The following TPRX1 variants were observed in gnomAD, a reference collection of about 807,000 sequenced individuals.
TPRX1 encodes tetrapeptide repeat homeobox 1, also known as tetra-peptide repeat homeobox protein 1.
Under a neutral mutation model 8.1 loss-of-function variants are expected in TPRX1, and 2 were observed. That is an observed-to-expected ratio of 0.25 (90% CI 0.10 to 0.78). The LOEUF is 0.78. TPRX1 is among the 30% of genes least tolerant of loss of function. The pLI is 0.70. For missense variants in TPRX1, 517 were observed against 586.9 expected (o/e 0.88, Z 1.23); for synonymous variants, 257 against 254.1 (o/e 1.01, Z -0.11).
chr19:47,801,771 C>T (rs758305952), exon 4 of TPRX1: 7 of 1,606,310 alleles, frequency 4.4e-6, no homozygotes, highest in Non-Finnish European at 5.1e-6. Flanking sequence ...CAGGCACAGG[C>T]CCCCTATAAA....
In TPRX1 at chr19:47,802,119, AG is replaced by A; in HGVS notation, c.1182del (p.Ser395HisfsTer5). The A allele has an allele frequency of 6.3e-7, 1 of 1,583,002 alleles. No homozygotes were observed. Among genetic ancestry groups the A allele is most frequent in the East Asian group, 2.2e-5 (1 of 44,544 alleles). ...AAAATCGGGGCTAGGCCTGGAAGTGAGCCAGGGCTTCGCATCCGGCCAGGAC... is the reference window on the plus strand; with the variant it reads ...AAAATCGGGGCTAGGCCTGGAAGTGACCAGGGCTTCGCATCCGGCCAGGAC... On this transcript the variant is annotated frameshift_variant, in exon 4 of 4. Coordinates refer to ENST00000535759, the Ensembl canonical transcript of TPRX1. LOFTEE classifies it low-confidence loss of function (END_TRUNC).
intron 2 of TPRX1, among the ~76,000 whole-genome samples, chr19:47,814,770 T>A (rs1967816153): frequency 6.6e-6 from 1 of 152,146 alleles, no homozygotes; most frequent in Non-Finnish European, 1.5e-5. Flanking sequence ...AAGTAAAACA[T>A]GAAAAAGAAT....
At chr19:47,813,371 C>A (rs142539001) in intron 2 of TPRX1, among the ~76,000 whole-genome samples, 10 of 152,026 alleles carry the variant, frequency 6.6e-5, no homozygotes, top group Non-Finnish European at 1.2e-4. Context: ...CCCACGACCC[C>A]CCCAAAACAC....
At chr19:47,817,440 T>C (rs1328036983) in intron 2 of TPRX1, among the ~76,000 whole-genome samples, 1 of 152,132 alleles carries the variant, frequency 6.6e-6, no homozygotes, top group Non-Finnish European at 1.5e-5. Flanking sequence ...TGTGCCCTCC[T>C]GATCACCAGG....
At chr19:47,816,633 T>C (rs915363472) in intron 2 of TPRX1, among the ~76,000 whole-genome samples, 30 of 149,576 alleles carry the variant, frequency 2.0e-4, no homozygotes, top group Admixed American at 6.1e-4. Flanking sequence ...CCCAGGTTCA[T>C]GCCATTCTCC....
At chr19:47,818,837 G>A (rs923294931) in intron 1 of TPRX1, 3 of 308,112 alleles carry the variant, frequency 9.7e-6, no homozygotes, top group African/African-American at 4.3e-5. Context: ...TTGGTTTGCT[G>A]CACCCATTAA....
rs548380113 is a variant in TPRX1, at chr19:47,815,114, TTATATATATATATA to T, written c.151+3340_151+3353del. Among the ~76,000 whole-genome samples the T allele has an allele frequency of 2.8e-4, 18 of 63,372 alleles. No homozygotes were observed. In the South Asian group the frequency reaches 3.7e-3, roughly 13 times the overall value. 41.6% of individuals were successfully genotyped at this position (63,372 alleles called of 152,430 possible). Reference sequence around the variant, plus strand: ...GTGCTTAGCTCAATAAATAGATAAATTATATATATATATATATATATATATATATGCAAATATAT... The same window carrying T: ...GTGCTTAGCTCAATAAATAGATAAATTATATATATATATATGCAAATATAT... On this transcript the variant is annotated intron_variant, in intron 2 of 3. Transcript: ENST00000535759.
intron 2 of TPRX1, 92 bp from the exon 2 acceptor site, chr19:47,803,765 G>C (rs1377585338): frequency 1.6e-6 from 1 of 630,010 alleles, no homozygotes; most frequent in African/African-American, 1.7e-5. Flanking sequence ...CAGGAGCCCA[G>C]GCAGTGTGGG....
intron 2 of TPRX1, among the ~76,000 whole-genome samples, chr19:47,811,978 T>G (rs1053953930): frequency 4.6e-5 from 7 of 151,476 alleles, no homozygotes; most frequent in Non-Finnish European, 8.8e-5. Context: ...GCAATTCTCC[T>G]GCCTCAGCCT....
intron 2 of TPRX1, among the ~76,000 whole-genome samples, chr19:47,806,188 C>G (rs1329364063): frequency 6.6e-6 from 1 of 150,642 alleles, no homozygotes. Flanking sequence ...TGCCACTGTA[C>G]TCCAGCCTGG....
intron 2 of TPRX1, among the ~76,000 whole-genome samples, chr19:47,810,387 C>G (rs1292440446): frequency 9.2e-6 from 1 of 108,660 alleles, no homozygotes; most frequent in Admixed American, 1.2e-4. Context: ...CTCGCTCTGT[C>G]GCCCAGGCTG....
At chr19:47,816,827 C>T (rs1266485443) in intron 2 of TPRX1, among the ~76,000 whole-genome samples, 3 of 152,298 alleles carry the variant, frequency 2.0e-5, no homozygotes, top group South Asian at 2.1e-4. Flanking sequence ...CCACCACGCC[C>T]AGCCCACTGT....
At chr19:47,818,184 A>ACTAT (rs1555800316) in intron 2 of TPRX1, among the ~76,000 whole-genome samples, 2 of 150,346 alleles carry the variant, frequency 1.3e-5, no homozygotes, top group Admixed American at 1.3e-4. Flanking sequence ...GTTCTGCCCC[A>ACTAT]CCATCCATCC....
intron 2 of TPRX1, among the ~76,000 whole-genome samples, chr19:47,808,698 C>T (rs936919569): frequency 2.7e-5 from 4 of 147,970 alleles, no homozygotes; most frequent in African/African-American, 4.9e-5. Flanking sequence ...TCAAGTGATC[C>T]GCGCACCTTG....
chr19:47,807,266 A>G (rs1421842808), intron 2 of TPRX1, among the ~76,000 whole-genome samples: 4 of 152,156 alleles, frequency 2.6e-5, no homozygotes, highest in Non-Finnish European at 5.9e-5. Context: ...CGTGTTGCCC[A>G]GTCTCGTCTC....
Position 47,810,416 on chromosome 19 carries a change from T to A in TPRX1, c.152-6743A>T, listed in dbSNP as rs1449417261. Among the ~76,000 whole-genome samples, 4 of 143,104 alleles carry A rather than the reference T, an allele frequency of 2.8e-5. 1 individual carries two copies. The East Asian group carries it at 6.4e-4, about 23-fold the overall frequency. The allele number at this position is 143,104 out of a possible 152,430, so 93.9% of individuals were successfully genotyped here. ...CAGGCTGGAGTGCAGTGGCCGGATC[T>A]TGGCTCACTGCAACCTCTGCCTCTC... On this transcript the variant is annotated intron_variant, in intron 2 of 3. Coordinates refer to ENST00000535759, the Ensembl canonical transcript of TPRX1.
intron 2 of TPRX1, among the ~76,000 whole-genome samples, chr19:47,816,783 T>C (rs144812226): frequency 0.029 from 4,433 of 152,086 alleles, 94 homozygotes; most frequent in Middle Eastern, 0.068. Context: ...CTGCCCGCCT[T>C]GGCCTCCCAA....
At chr19:47,804,254 T>C (rs1967713037) in intron 2 of TPRX1, among the ~76,000 whole-genome samples, 1 of 151,516 alleles carries the variant, frequency 6.6e-6, no homozygotes, top group African/African-American at 2.4e-5. Flanking sequence ...GGGTCTCCAC[T>C]ATGTTGGCTC....
rs370712239 is a variant in TPRX1, at chr19:47,805,608, A to G, written c.152-1935T>C. On this transcript the variant is annotated intron_variant, in intron 2 of 3. Transcript: ENST00000535759. Reference sequence around the variant, plus strand: ...TTTCAAAATTCAATAAAACGTAGACATTGTTACCACGGGCCTCGCTCATTG... The same window carrying G: ...TTTCAAAATTCAATAAAACGTAGACGTTGTTACCACGGGCCTCGCTCATTG... Among the ~76,000 whole-genome samples the G allele has an allele frequency of 2.0e-5, 3 of 152,140 alleles. No individual in the cohort carries two copies. In the South Asian group the frequency reaches 6.2e-4, roughly 32 times the overall value.
Sources: allele counts gnomAD v4.1 joint callset (sites outside exome capture counted in the v4.1 genomes callset), GRCh38; gene constraint gnomAD v4.1.1; transcripts MANE v1.5; gene names NCBI Gene and HGNC (gene_info 2026-07-23, HGNC 2026-07-21).